CARMIL1: variants seen among roughly 807,000 people sequenced by gnomAD.
CARMIL1 encodes F-actin-uncapping protein LRRC16A.
CARMIL1 carries 90 observed loss-of-function variants against 177.1 expected under a neutral mutation model. The ratio of observed to expected loss-of-function variants is 0.51; its 90% CI spans 0.43 to 0.61. CARMIL1 has a LOEUF of 0.61. Among genes scored for constraint, CARMIL1 ranks in the 20% least tolerant of loss-of-function variants. The pLI is 0.00. For synonymous variants in CARMIL1, 577 were observed against 606.2 expected, an observed-to-expected ratio of 0.95 and a Z score of 0.71; for missense variants, 1,380 against 1,667.0, an observed-to-expected ratio of 0.83 and a Z score of 3.00.
intron 13 of CARMIL1, among the ~76,000 whole-genome samples, chr6:25,490,315 A>C (rs1803077237): frequency 6.6e-6 from 1 of 152,218 alleles, no homozygotes; most frequent in Non-Finnish European, 1.5e-5. Context: ...CTCTTGAGAC[A>C]ATTTTTGCCA....
intron 32 of CARMIL1, among the ~76,000 whole-genome samples, chr6:25,599,004 G>A (rs1193877625): frequency 6.6e-6 from 1 of 152,230 alleles, no homozygotes; most frequent in East Asian, 1.9e-4. Flanking sequence ...GCTTTCTTGA[G>A]CCTCCCTGTT....
At chr6:25,619,199 C>A (rs950659895) in intron 36 of CARMIL1, among the ~76,000 whole-genome samples, 12 of 152,188 alleles carry the variant, frequency 7.9e-5, no homozygotes, top group African/African-American at 2.9e-4. Context: ...TTGCCCACAT[C>A]TATGAGAGGT....
intron 2 of CARMIL1, among the ~76,000 whole-genome samples, chr6:25,294,549 G>C (rs573169007): frequency 2.0e-5 from 3 of 152,250 alleles, no homozygotes; most frequent in African/African-American, 7.2e-5. Context: ...CAAAAGCCCT[G>C]TCTTCTTTTG....
At chr6:25,419,950 C>T (rs574846464) in intron 2 of CARMIL1, among the ~76,000 whole-genome samples, 164 bp from the exon 3 acceptor site, 1 of 152,150 alleles carries the variant, frequency 6.6e-6, no homozygotes, top group African/African-American at 2.4e-5. Flanking sequence ...AAAACTAATT[C>T]TGAGACCAAG....
rs145274790 is a variant in CARMIL1 at position 25,405,393 on chromosome 6, T to C, written c.139-14721T>C. Among the ~76,000 whole-genome samples the C allele has an allele frequency of 3.5e-4, 54 of 152,296 alleles. No homozygotes were observed. In the East Asian group the frequency reaches 9.8e-3, roughly 28 times the overall value. On this transcript the variant is annotated intron_variant, in intron 2 of 36. Coordinates refer to ENST00000329474, the MANE Select transcript of CARMIL1 (RefSeq NM_017640.6). The stretch of plus-strand genomic sequence containing the variant: ...TCTGCCTCATCAGTACCCTGACCCA[T>C]CCTTTATTGATTATTTAGTTTTGTG...
At chr6:25,472,647 T>G in intron 11 of CARMIL1, 126 bp downstream of exon 11, 1 of 692,844 alleles carries the variant, frequency 1.4e-6, no homozygotes, top group South Asian at 2.0e-5. Flanking sequence ...ATGGTCCTGT[T>G]GGCTTCCAGT....
chr6:25,317,609 C>T (rs1348462534), intron 2 of CARMIL1, among the ~76,000 whole-genome samples: 1 of 146,494 alleles, frequency 6.8e-6, no homozygotes, highest in Admixed American at 6.9e-5. Context: ...CATCGTCACC[C>T]AGGTTAGAAT....
chr6:25,326,258 C>T lies in CARMIL1; in HGVS notation c.138+41349C>T, dbSNP rs1785085319. ...TTGAAGAGTGAGGGAAAGGGGTTTC[C>T]AGGCAGATTCAATATATTGTGCAAA... On this transcript the variant is annotated intron_variant, in intron 2 of 36. Transcript: ENST00000329474. The surrounding 1 kb of genome is among the most constrained non-coding windows in gnomAD (Gnocchi z 4.2). 6.6e-6 allele frequency among the ~76,000 whole-genome samples: 1 copy of T among 152,050 alleles called. No homozygotes were observed. Among genetic ancestry groups the T allele is most frequent in the Non-Finnish European group, 1.5e-5 (1 of 68,028 alleles).
chr6:25,373,538 C>G (rs1275005866), intron 2 of CARMIL1, among the ~76,000 whole-genome samples: 4 of 149,904 alleles, frequency 2.7e-5, no homozygotes, highest in East Asian at 2.0e-4. Flanking sequence ...CTTGAATGAT[C>G]TTTTGTATTT....
intron 36 of CARMIL1, among the ~76,000 whole-genome samples, chr6:25,617,186 G>A (rs944134893): frequency 6.6e-6 from 1 of 152,182 alleles, no homozygotes; most frequent in African/African-American, 2.4e-5. Flanking sequence ...CAACATTTAG[G>A]TGGAGACTGA....
intron 2 of CARMIL1, among the ~76,000 whole-genome samples, chr6:25,338,003 C>T (rs75705061): frequency 0.15 from 22,590 of 152,130 alleles, 1,883 homozygotes; most frequent in East Asian, 0.28. Context: ...CCCCCTTCTT[C>T]CATAGCACTT....
chr6:25,348,320 T>G (rs1322715490), intron 2 of CARMIL1, among the ~76,000 whole-genome samples: 1 of 151,656 alleles, frequency 6.6e-6, no homozygotes, highest in Non-Finnish European at 1.5e-5. Flanking sequence ...TTAGTAGAGA[T>G]GGGGTTTCAC....
rs559153193 is a variant in CARMIL1, at chr6:25,549,637, A to G, written c.2329-1273A>G. On this transcript the variant is annotated intron_variant, in intron 26 of 36. Transcript: ENST00000329474. ...ACATTATCCTTGTAAACAGCCTGCTACTCTGCTGCTCACACTGCAGTGCAA... is the reference window on the plus strand; with the variant it reads ...ACATTATCCTTGTAAACAGCCTGCTGCTCTGCTGCTCACACTGCAGTGCAA... Among the ~76,000 whole-genome samples the G allele has an allele frequency of 2.6e-5, 4 of 152,190 alleles. No individual in the cohort carries two copies. The South Asian group carries it at 6.2e-4, about 24-fold the overall frequency.
rs573513472 is a variant in CARMIL1 at position 25,509,627 on chromosome 6, T to C, written c.1396-29T>C. 6.7e-7 allele frequency: 1 copy of C among 1,497,914 alleles called. No homozygotes were observed. The highest frequency in any genetic ancestry group is 1.4e-5 in the African/African-American group (1 of 72,712). 92.8% of individuals were successfully genotyped at this position (1,497,914 alleles called of 1,614,324 possible). The stretch of plus-strand genomic sequence containing the variant: ...TACATCTCCAGTAGAGTGAAGACTT[T>C]ACTTTGTGTTTGGTTTGTGTTTCTC... On this transcript the variant is annotated intron_variant, in intron 17 of 36. Coordinates refer to ENST00000329474, the MANE Select transcript of CARMIL1 (RefSeq NM_017640.6). This position sits in a 1 kb window ranked among gnomAD's most constrained non-coding sequence, Gnocchi z 4.1.
intron 23 of CARMIL1, 50 bp downstream of exon 23, chr6:25,520,387 G>T: frequency 2.0e-6 from 2 of 1,016,654 alleles, no homozygotes; most frequent in Non-Finnish European, 1.5e-6. Context: ...TTTGAATTGT[G>T]GTTATGTTCC....
At position 25,604,849 on chromosome 6, in the gene CARMIL1, G is replaced by A; in HGVS notation, c.3590G>A (p.Ser1197Asn). ...GATGCCGTATCCCAGGATTCTTCCA[G>A]CCCAGCTTTGAGCGGCGTAGAACGG... ...GNDAVSQDSSSPALSGVERSD... is the reference protein window; with the variant it reads ...GNDAVSQDSSNPALSGVERSD... Residue 1197 changes from serine to asparagine, a missense_variant, in exon 34 of 37, where the codon AGC becomes AAC. Ser to Asn is a conservative substitution (Grantham distance 46). Coordinates refer to ENST00000329474, the MANE Select transcript of CARMIL1 (RefSeq NM_017640.6). 1.3e-6 allele frequency: 2 copies of A among 1,598,242 alleles called. No individual in the cohort carries two copies. The highest frequency in any genetic ancestry group is 1.3e-5 in the African/African-American group (1 of 74,810).
chr6:25,604,601 CCA>C (rs1815758204), intron 33 of CARMIL1, among the ~76,000 whole-genome samples: 3 of 152,122 alleles, frequency 2.0e-5, no homozygotes, highest in Non-Finnish European at 4.4e-5. Flanking sequence ...ACTTTGGACC[CCA>C]GAGTCCTGAC....
rs1408388725 is a variant in CARMIL1, at chr6:25,495,171, G to T, written c.1281G>T (p.Met427Ile). 6.2e-7 allele frequency: 1 copy of T among 1,613,196 alleles called. No individual in the cohort carries two copies. The highest frequency in any genetic ancestry group is 8.5e-7 in the Non-Finnish European group (1 of 1,179,532). Residue 427 changes from methionine to isoleucine, a missense_variant, in exon 16 of 37, where the codon ATG (methionine) becomes ATT (isoleucine). Coordinates refer to ENST00000329474, the MANE Select transcript of CARMIL1 (RefSeq NM_017640.6). ...KQFFSSSLALMHINLSGTKLS... is the reference protein window; with the variant it reads ...KQFFSSSLALIHINLSGTKLS... ...TTTTTAGTAGTTCTCTGGCTTTGAT[G>T]CACATCAACCTTTCAGGCACAAAAC...
At chr6:25,538,659 C>T (rs1364433633) in intron 25 of CARMIL1, among the ~76,000 whole-genome samples, 1 of 152,080 alleles carries the variant, frequency 6.6e-6, no homozygotes, top group Non-Finnish European at 1.5e-5. Flanking sequence ...CCTGTAATTT[C>T]CTGAGTGACA....
Sources: gnomAD v4.1 joint callset for allele counts (sites outside exome capture counted in the v4.1 genomes callset) on GRCh38, gnomAD v4.1.1 for gene constraint, Gnocchi (gnomAD v3.1) non-coding constraint, MANE v1.5 for transcripts, NCBI Gene and HGNC (gene_info 2026-07-23, HGNC 2026-07-21) for gene names.